Variants in CACNB4 observed in about 807,000 individuals in gnomAD.
CACNB4 encodes calcium voltage-gated channel auxiliary subunit beta 4.
A neutral mutation model predicts 71.2 loss-of-function variants in CACNB4; 32 were observed. The ratio of observed to expected loss-of-function variants is 0.45; its 90% CI spans 0.34 to 0.60. The LOEUF is 0.60. Ranked by LOEUF, CACNB4 falls within the 20% of genes least tolerant of loss-of-function variation. The pLI, the probability that CACNB4 is intolerant of heterozygous loss-of-function variation, is 0.01. For missense variants in CACNB4, 464 were observed against 647.9 expected (o/e 0.72, Z 3.08); for synonymous variants, 231 against 236.9 (o/e 0.97, Z 0.23).
intron 10 of CACNB4, chr2:151,857,421 C>T (rs2099840583): frequency 6.6e-6 from 1 of 152,160 alleles, no homozygotes; most frequent in African/African-American, 2.4e-5. Context: ...GCTTATTTGT[C>T]AAATTCTTCT....
At chr2:151,969,567 C>T (rs930337401) in intron 2 of CACNB4, 2 of 152,166 alleles carry the variant, frequency 1.3e-5, no homozygotes, top group Admixed American at 1.3e-4. Context: ...AGACATCTCC[C>T]ACTTAGCATT....
At chr2:151,891,487 C>A (rs1244966655) in intron 2 of CACNB4, among the ~76,000 whole-genome samples, 1 of 152,096 alleles carries the variant, frequency 6.6e-6, no homozygotes, top group African/African-American at 2.4e-5. Flanking sequence ...GCAAACATTG[C>A]AATTGTAATT....
At chr2:151,891,428 G>T (rs1268658956) in intron 2 of CACNB4, among the ~76,000 whole-genome samples, 3 of 152,212 alleles carry the variant, frequency 2.0e-5, no homozygotes, top group African/African-American at 7.2e-5. Context: ...CAGTGGTAAT[G>T]ATGGTAGCAA....
chr2:152,093,400 G>GGTGTGTGTGTGT (rs34845177), intron 2 of CACNB4, among the ~76,000 whole-genome samples: 3,806 of 146,596 alleles, frequency 0.026, 69 homozygotes, highest in African/African-American at 0.039. Context: ...GCTGTTTTTT[G>GGTGTGTGTGTGT]GTGTGTGTGT....
Position 151,855,262 on chromosome 2 carries a change from C to T in CACNB4, c.982G>A (p.Ala328Thr). 1 of 1,572,844 alleles carries T rather than the reference C, an allele frequency of 6.4e-7. No individual in the cohort carries two copies. The highest frequency in any genetic ancestry group is 8.7e-7 in the Non-Finnish European group (1 of 1,148,758). The change falls in exon 11 of 14, where the codon GCA (alanine) becomes ACA (threonine). Residue 328 changes from alanine (A) to threonine (T), a missense_variant. By Grantham distance (58) the Ala-to-Thr change is moderately conservative. Transcript: ENST00000539935. ...ACTTTTACATGAACAATAATTGGTG[C>T]TAAGGAAGTCTTTATAAGTTGTGCT... ...HPAQLIKTSL[A>T]PIIVHVKVSS...
intron 2 of CACNB4, among the ~76,000 whole-genome samples, chr2:152,076,144 T>C (rs1687000451): frequency 7.6e-6 from 1 of 131,624 alleles, no homozygotes; most frequent in Admixed American, 7.5e-5. Flanking sequence ...TTCTTTTTTT[T>C]TTTTTTTTTT....
At chr2:151,945,775 G>C (rs1296384779) in intron 2 of CACNB4, among the ~76,000 whole-genome samples, 1 of 151,618 alleles carries the variant, frequency 6.6e-6, no homozygotes, top group African/African-American at 2.4e-5. Flanking sequence ...TGTAGTCATA[G>C]CTACTTAGGA....
intron 3 of CACNB4, among the ~76,000 whole-genome samples, chr2:151,882,300 T>C (rs1559926780): frequency 6.8e-6 from 1 of 146,708 alleles, no homozygotes; most frequent in Non-Finnish European, 1.5e-5. Flanking sequence ...GTGATCCTCC[T>C]ACCTTAGCTT....
chr2:151,892,386 G>T (rs1355304304), intron 2 of CACNB4, among the ~76,000 whole-genome samples: 2 of 151,390 alleles, frequency 1.3e-5, no homozygotes, highest in Admixed American at 6.6e-5. Flanking sequence ...AAAAAGAAAA[G>T]ACTTCCTTCT....
chr2:152,062,775 C>T (rs967414115), intron 2 of CACNB4, among the ~76,000 whole-genome samples: 1 of 152,180 alleles, frequency 6.6e-6, no homozygotes, highest in African/African-American at 2.4e-5. Flanking sequence ...AGGGAACTTC[C>T]TTAAAGTCTG....
At chr2:152,052,484 G>C (rs916635305) in intron 2 of CACNB4, among the ~76,000 whole-genome samples, 1 of 152,086 alleles carries the variant, frequency 6.6e-6, no homozygotes, top group Non-Finnish European at 1.5e-5. Context: ...AGTAGAGACA[G>C]GGTTTTGCCA....
At chr2:151,850,923 G>C (rs16830417) in intron 12 of CACNB4, 1 of 152,178 alleles carries the variant, frequency 6.6e-6, no homozygotes, top group African/African-American at 2.4e-5. Flanking sequence ...GTCCCCTTTT[G>C]CTTCAACAGT....
chr2:152,087,941 A>G (rs139568828), intron 2 of CACNB4, among the ~76,000 whole-genome samples: 1 of 152,250 alleles, frequency 6.6e-6, no homozygotes, highest in African/African-American at 2.4e-5. Context: ...AAAAGACCAC[A>G]TGTTAATTTA....
At chr2:152,042,946 G>A (rs768807455) in intron 2 of CACNB4, among the ~76,000 whole-genome samples, 16 of 151,990 alleles carry the variant, frequency 1.1e-4, no homozygotes, top group East Asian at 5.8e-4. Context: ...ACCTCTGCTC[G>A]GTCTCACAGC....
intron 2 of CACNB4, among the ~76,000 whole-genome samples, chr2:152,018,806 AACACACACAC>A (rs10600477): frequency 1.4e-5 from 2 of 146,562 alleles, no homozygotes; most frequent in Non-Finnish European, 3.0e-5. Flanking sequence ...CCTGTCTCAA[AACACACACAC>A]ACACACACAC....
intron 2 of CACNB4, among the ~76,000 whole-genome samples, chr2:151,902,287 T>C (rs181197683): frequency 2.0e-5 from 3 of 152,118 alleles, no homozygotes; most frequent in Non-Finnish European, 4.4e-5. Context: ...CCATTCAGCA[T>C]CCCAAAGTAT....
intron 2 of CACNB4, among the ~76,000 whole-genome samples, chr2:151,960,759 T>A (rs1368782607): frequency 6.6e-6 from 1 of 152,218 alleles, no homozygotes; most frequent in South Asian, 2.1e-4. Context: ...TTGTAAGTCT[T>A]AGCAATGGAA....
intron 2 of CACNB4, among the ~76,000 whole-genome samples, chr2:152,054,916 G>A (rs10930892): frequency 0.13 from 19,199 of 152,022 alleles, 1,451 homozygotes; most frequent in East Asian, 0.28. Flanking sequence ...TTTTTGAAAC[G>A]TCTTTTCTAC....
In CACNB4 at chr2:151,833,350, T is replaced by C. The variant is rs2099834208; in HGVS notation, c.*5769A>G. On this transcript the variant is annotated 3_prime_UTR_variant, in exon 14 of 14. Transcript: ENST00000539935. ...ATTCAGTACAAAACAAATTAAAGAA[T>C]CCCTAACTAATATAATTTTTTGTGG... 1 of 152,120 alleles carries C rather than the reference T, an allele frequency of 6.6e-6. No individual in the cohort carries two copies. Among genetic ancestry groups the C allele is most frequent in the Non-Finnish European group, 1.5e-5 (1 of 67,962 alleles). 9.4% of individuals were successfully genotyped at this position (152,120 alleles called of 1,614,324 possible).
Sources: allele counts gnomAD v4.1 joint callset (sites outside exome capture counted in the v4.1 genomes callset), GRCh38; gene constraint gnomAD v4.1.1; transcripts MANE v1.5; gene names NCBI Gene and HGNC (gene_info 2026-07-23, HGNC 2026-07-21).